Variants in CC2D2B observed in about 807,000 individuals in gnomAD.
CC2D2B encodes protein CC2D2B.
Under a neutral mutation model 161.2 loss-of-function variants are expected in CC2D2B, and 128 were observed. The ratio of observed to expected loss-of-function variants is 0.79; its 90% confidence interval spans 0.69 to 0.92. The LOEUF is 0.92. Among genes scored for constraint, CC2D2B ranks in the 40% least tolerant of loss-of-function variants. The probability of loss-of-function intolerance (pLI) is 0.00; values close to 1 mark genes in which losing one functional copy is unlikely to be tolerated. For synonymous variants in CC2D2B, 391 were observed against 449.8 expected (o/e 0.87, Z 1.65); for missense variants, 1,173 against 1,375.1 (o/e 0.85, Z 2.32).
chr10:95,914,449 G>C (rs2098512170), intron 2 of CC2D2B, among the ~76,000 whole-genome samples: 1 of 152,118 alleles, frequency 6.6e-6, no homozygotes, highest in Non-Finnish European at 1.5e-5. Flanking sequence ...ACAATTTGAA[G>C]TCAGTGATAT....
intron 26 of CC2D2B, 71 bp from the exon 27 acceptor site, chr10:96,012,114 G>T: frequency 1.8e-6 from 1 of 563,894 alleles, no homozygotes. Flanking sequence ...AGTGGACTCT[G>T]CTGGGCCTAA....
chr10:95,969,616 A>T (rs1191267838), intron 15 of CC2D2B, among the ~76,000 whole-genome samples: 1 of 152,140 alleles, frequency 6.6e-6, no homozygotes, highest in Admixed American at 6.6e-5. Context: ...AATTATTTTT[A>T]TAATGTCGAG....
intron 20 of CC2D2B, among the ~76,000 whole-genome samples, chr10:95,990,861 A>G (rs2077925399): frequency 1.3e-5 from 2 of 152,294 alleles, no homozygotes; most frequent in Admixed American, 1.3e-4. Context: ...CCAAGTAGGA[A>G]GAGGGAGATG....
At chr10:95,942,116 T>C (rs2076044227) in intron 9 of CC2D2B, among the ~76,000 whole-genome samples, 2 of 152,112 alleles carry the variant, frequency 1.3e-5, no homozygotes, top group Admixed American at 6.6e-5. Context: ...TCCAAAGTAG[T>C]TCAGCTTCAC....
chr10:96,000,871 C>G (rs932083251), intron 24 of CC2D2B: 1 of 152,078 alleles, frequency 6.6e-6, no homozygotes, highest in Non-Finnish European at 1.5e-5. Context: ...TAGTGGTCTT[C>G]CTTTACTTTC....
intron 19 of CC2D2B, among the ~76,000 whole-genome samples, chr10:95,985,484 A>G (rs2077682012): frequency 6.6e-6 from 1 of 152,168 alleles, no homozygotes; most frequent in South Asian, 2.1e-4. Flanking sequence ...GACACTTATC[A>G]CTTCCCCAAT....
At position 96,024,852 on chromosome 10, in the gene CC2D2B, G is replaced by T. The variant is rs1244754125; in HGVS notation, c.3889-1G>T. The T allele has an allele frequency of 6.7e-7, 1 of 1,497,130 alleles. No individual in the cohort carries two copies. The highest frequency in any genetic ancestry group is 2.0e-5 in the Admixed American group (1 of 50,442). The allele number at this position is 1,497,130 out of a possible 1,614,324, so 92.7% of individuals were successfully genotyped here. A position where few individuals can be genotyped will look rare whatever the true frequency, so the allele number is the denominator to read the frequency against. On this transcript the variant is annotated splice_acceptor_variant, in intron 32 of 34. Coordinates refer to ENST00000646931, the MANE Select transcript of CC2D2B (RefSeq NM_001349008.3). LOFTEE classifies it high-confidence loss of function. ...ATTCTAACTTTGGTTGTCTATTTCA[G>T]CCTGAAGAAATAATTTATTTTGAAA...
At chr10:95,930,613 T>C (rs1335755647) in intron 6 of CC2D2B, among the ~76,000 whole-genome samples, 1 of 152,224 alleles carries the variant, frequency 6.6e-6, no homozygotes, top group East Asian at 1.9e-4. Flanking sequence ...TTGAATTTTA[T>C]CAAAGGTCTT....
Position 95,929,736 on chromosome 10 carries a change from T to C in CC2D2B, c.336+2404T>C, listed in dbSNP as rs185631558. On this transcript the variant is annotated intron_variant, in intron 6 of 34. Coordinates refer to ENST00000646931, the MANE Select transcript of CC2D2B (RefSeq NM_001349008.3). ...TGTAGCATTATTTCTGAGGCCTCTG[T>C]TCTGTTCCATTAGTCTATATATCTA... 4.4e-3 allele frequency among the ~76,000 whole-genome samples: 674 copies of C among 152,304 alleles called. 2 individuals carry two copies. The highest frequency in any genetic ancestry group is 7.0e-3 in the Non-Finnish European group (477 of 68,020).
At chr10:96,000,109 T>A in intron 24 of CC2D2B, 1 of 1,492,734 alleles carries the variant, frequency 6.7e-7, no homozygotes, top group Non-Finnish European at 8.9e-7. Context: ...TTAAACAATA[T>A]CCATTCTCTT....
intron 15 of CC2D2B, among the ~76,000 whole-genome samples, chr10:95,969,407 C>T (rs1316108532): frequency 1.3e-5 from 2 of 151,700 alleles, no homozygotes; most frequent in Non-Finnish European, 2.9e-5. Flanking sequence ...AACCCCCACA[C>T]TAATGGAAGA....
Position 95,972,170 on chromosome 10 carries a change from T to G in CC2D2B, c.1749T>G (p.Phe583Leu). 8.1e-7 allele frequency: 1 copy of G among 1,232,062 alleles called. No individual in the cohort carries two copies. Among genetic ancestry groups the G allele is most frequent in the Non-Finnish European group, 1.0e-6 (1 of 987,876 alleles). 76.3% of individuals were successfully genotyped at this position (1,232,062 alleles called of 1,614,324 possible). ...KGKTALQYVE[F>L]SSDKLVMPAD... Reference sequence around the variant, plus strand: ...AAACCGCTTTGCAATATGTAGAGTTTAGCTCTGATAAGCTGGTCATGCCTG... The same window carrying G: ...AAACCGCTTTGCAATATGTAGAGTTGAGCTCTGATAAGCTGGTCATGCCTG... Residue 583 changes from phenylalanine (F) to leucine (L), a missense_variant, in exon 16 of 35, where the codon TTT becomes TTG. Phe to Leu is a conservative substitution (Grantham distance 22, BLOSUM62 0). Transcript: ENST00000646931.
intron 3 of CC2D2B, 74 bp downstream of exon 3, chr10:95,922,150 C>CA: frequency 1.2e-6 from 1 of 803,466 alleles, no homozygotes; most frequent in Non-Finnish European, 1.9e-6. Flanking sequence ...TAATCCTGTG[C>CA]CAGGGTTTCA....
At chr10:96,020,742 T>C (rs1000974685) in intron 32 of CC2D2B, 1 of 152,064 alleles carries the variant, frequency 6.6e-6, no homozygotes, top group Non-Finnish European at 1.5e-5. Context: ...TTTAAAACAA[T>C]AAAACAATTG....
intron 34 of CC2D2B, among the ~76,000 whole-genome samples, chr10:96,028,380 A>C (rs1209877802): frequency 6.6e-6 from 1 of 152,244 alleles, no homozygotes; most frequent in Non-Finnish European, 1.5e-5. Context: ...AAAGGTGCTC[A>C]ACATCATTGA....
Position 96,032,614 on chromosome 10 carries a change from T to A in CC2D2B, c.*606T>A. Reference sequence around the variant, plus strand: ...CTGCTCGAGTGGAAAACTAAGGTCATTGCCTCTCATGGATAAAATGTTATT... The same window carrying A: ...CTGCTCGAGTGGAAAACTAAGGTCAATGCCTCTCATGGATAAAATGTTATT... On this transcript the variant is annotated 3_prime_UTR_variant, in exon 35 of 35. Coordinates refer to ENST00000646931, the MANE Select transcript of CC2D2B (RefSeq NM_001349008.3). 2 of 338,658 alleles carry A rather than the reference T, an allele frequency of 5.9e-6. No individual in the cohort carries two copies. The highest frequency in any genetic ancestry group is 5.1e-5 in the South Asian group (2 of 38,962). The allele number at this position is 338,658 out of a possible 1,614,324, so 21.0% of individuals were successfully genotyped here.
intron 34 of CC2D2B, among the ~76,000 whole-genome samples, chr10:96,029,906 G>A (rs1251903893): frequency 6.6e-6 from 1 of 151,480 alleles, no homozygotes; most frequent in Admixed American, 6.6e-5. Context: ...AAACTCCTGT[G>A]CTCAAGCAAT....
rs1481645844 is a variant in CC2D2B, at chr10:95,933,815, C to T, written c.337-4176C>T. Among the ~76,000 whole-genome samples, 8 of 152,296 alleles carry T rather than the reference C, an allele frequency of 5.3e-5. No individual in the cohort carries two copies. The South Asian group carries it at 8.3e-4, about 16-fold the overall frequency. On this transcript the variant is annotated intron_variant, in intron 6 of 34. Transcript: ENST00000646931. ...GAGCTCTCCTGTATGAGGTGTCTGT[C>T]GACCTGTGCTGGGAAGTGTCTCCCA...
intron 20 of CC2D2B, among the ~76,000 whole-genome samples, chr10:95,989,664 C>A (rs1248999377): frequency 6.6e-6 from 1 of 152,140 alleles, no homozygotes; most frequent in Non-Finnish European, 1.5e-5. Context: ...TGTAAGAGAG[C>A]AAGTATCTGA....
Sources: gnomAD v4.1 joint callset for allele counts (sites outside exome capture counted in the v4.1 genomes callset) on GRCh38, gnomAD v4.1.1 for gene constraint, MANE v1.5 for transcripts, NCBI Gene and HGNC (gene_info 2026-07-23, HGNC 2026-07-21) for gene names.